Variants in ZNF536 observed in about 807,000 individuals in gnomAD.
ZNF536 encodes the protein zinc finger protein 536.
ZNF536 carries 13 observed loss-of-function variants against 84.5 expected under a neutral mutation model. The observed-to-expected ratio is 0.15, with a 90% CI of 0.10 to 0.24. ZNF536 has a LOEUF of 0.24. Among genes scored for constraint, ZNF536 ranks in the 10% least tolerant of loss-of-function variants. The pLI is 1.00. For synonymous variants in ZNF536, 811 were observed against 742.5 expected, an observed-to-expected ratio of 1.09 and a Z score of -1.50; for missense variants, 1,536 against 1,747.5, an observed-to-expected ratio of 0.88 and a Z score of 2.16.
chr19:30,294,171 G>T (rs2045926904), intron 2 of ZNF536, among the ~76,000 whole-genome samples: 1 of 152,128 alleles, frequency 6.6e-6, no homozygotes, highest in Non-Finnish European at 1.5e-5. Flanking sequence ...GGTGGGGTGT[G>T]GCCCCCAACA....
At chr19:30,677,035 G>C (rs1341380400) in intron 1 of ZNF536, among the ~76,000 whole-genome samples, 2 of 152,220 alleles carry the variant, frequency 1.3e-5, no homozygotes, top group Non-Finnish European at 2.9e-5. Context: ...TATTTTGCTT[G>C]TGAAAGAAAT....
At position 30,326,791 on chromosome 19, in the gene ZNF536, C is replaced by CTT. The variant is rs869076590; in HGVS notation, c.-119-25551_-119-25550dup. 3.1e-3 allele frequency among the ~76,000 whole-genome samples: 160 copies of CTT among 51,902 alleles called. 11 individuals carry two copies. The highest frequency in any genetic ancestry group is 0.01 in the African/African-American group (134 of 12,810). The allele number at this position is 51,902 out of a possible 152,430, so 34.0% of individuals were successfully genotyped here. On this transcript the variant is annotated intron_variant, in intron 2 of 5. Coordinates refer to the ZNF536 transcript ENST00000585628. ...ACTGGGAGATTTTTTTTATAAAAAGCTTTTTTTTTTTTTTTTTTTTTTTTT... is the reference window on the plus strand; with the variant it reads ...ACTGGGAGATTTTTTTTATAAAAAGCTTTTTTTTTTTTTTTTTTTTTTTTTTT...
chr19:30,341,633 CTT>C (rs1468878194), intron 2 of ZNF536, among the ~76,000 whole-genome samples: 1 of 152,024 alleles, frequency 6.6e-6, no homozygotes, highest in African/African-American at 2.4e-5. Context: ...CCCCTCATCT[CTT>C]TGTGCAGTAG....
intron 1 of ZNF536, among the ~76,000 whole-genome samples, chr19:30,683,975 G>A (rs2051074772): frequency 6.6e-6 from 1 of 152,096 alleles, no homozygotes; most frequent in African/African-American, 2.4e-5. Context: ...GATACATTAA[G>A]ACAAGCTTGT....
At chr19:30,355,351 TA>T (rs565756795) in intron 3 of ZNF536, among the ~76,000 whole-genome samples, 16 of 152,250 alleles carry the variant, frequency 1.1e-4, no homozygotes, top group Non-Finnish European at 1.8e-4. Context: ...GGGATGGTGT[TA>T]AACCACTCAC....
At chr19:30,478,155 GTT>G (rs35858645) in intron 2 of ZNF536, among the ~76,000 whole-genome samples, 13,221 of 134,740 alleles carry the variant, frequency 0.098, 705 homozygotes, top group Admixed American at 0.14. Context: ...AATCCTTGGT[GTT>G]TTTTTTTTTT....
At chr19:30,276,867 T>A (rs1251931016) in intron 1 of ZNF536, among the ~76,000 whole-genome samples, 1 of 149,806 alleles carries the variant, frequency 6.7e-6, no homozygotes, top group African/African-American at 2.5e-5. Context: ...TTTTTTTTTT[T>A]ATGCAAGCAA....
chr19:30,700,387 C>T (rs1361498097), intron 1 of ZNF536, among the ~76,000 whole-genome samples: 2 of 147,258 alleles, frequency 1.4e-5, no homozygotes, highest in Admixed American at 1.4e-4. Context: ...ACTTTCCTTC[C>T]TTCCTTTCTT....
At chr19:30,516,026 C>CA (rs553504551) in intron 2 of ZNF536, among the ~76,000 whole-genome samples, 17,339 of 75,136 alleles carry the variant, frequency 0.23, 1,858 homozygotes, top group East Asian at 0.39. Flanking sequence ...GACTCCATCT[C>CA]AAAAAAAAAA....
intron 4 of ZNF536, among the ~76,000 whole-genome samples, chr19:30,550,643 AG>A (rs907614614): frequency 2.3e-4 from 35 of 151,806 alleles, no homozygotes; most frequent in African/African-American, 7.7e-4. Context: ...AAGGGAAGGA[AG>A]GGGGGGAAAT....
chr19:30,458,135 C>T (rs1165570288), intron 2 of ZNF536, among the ~76,000 whole-genome samples: 3 of 152,158 alleles, frequency 2.0e-5, no homozygotes, highest in East Asian at 1.9e-4. Context: ...ACTTTGGAGC[C>T]GGGCCCCACA....
intron 2 of ZNF536, among the ~76,000 whole-genome samples, chr19:30,332,276 T>A (rs1192998292): frequency 1.3e-5 from 2 of 152,210 alleles, no homozygotes; most frequent in African/African-American, 4.8e-5. Flanking sequence ...TCTGCCACTT[T>A]TCTGGCCCTT....
exon 2 of ZNF536, chr19:30,711,600 G>C (rs759743746): frequency 1.3e-5 from 2 of 152,288 alleles, no homozygotes; most frequent in African/African-American, 2.4e-5. Context: ...GGGGCTGACC[G>C]GCACTGCAGA....
chr19:30,242,066 G>A (rs1050635278), intron 1 of ZNF536, among the ~76,000 whole-genome samples: 1 of 152,110 alleles, frequency 6.6e-6, no homozygotes, highest in African/African-American at 2.4e-5. Context: ...GCCTGTTGAG[G>A]GGTAATTCCT....
intron 4 of ZNF536, chr19:30,555,858 ACC>A (rs1334555164): frequency 6.6e-6 from 1 of 152,252 alleles, no homozygotes; most frequent in Admixed American, 6.5e-5. Context: ...TAGGAAGACA[ACC>A]ACAAAATCCC....
At chr19:30,704,130 G>A (rs762112963) in intron 1 of ZNF536, among the ~76,000 whole-genome samples, 53 of 152,284 alleles carry the variant, frequency 3.5e-4, no homozygotes, top group African/African-American at 4.8e-4. Context: ...AGAGGCTATC[G>A]CCTTGATGCT....
chr19:30,394,323 A>G (rs2049723330), intron 1 of ZNF536, among the ~76,000 whole-genome samples: 1 of 152,194 alleles, frequency 6.6e-6, no homozygotes, highest in Non-Finnish European at 1.5e-5. Flanking sequence ...CACATTGGGT[A>G]ATTGTGTGTG....
intron 2 of ZNF536, among the ~76,000 whole-genome samples, chr19:30,507,260 G>A (rs1376829193): frequency 1.3e-5 from 2 of 152,088 alleles, no homozygotes; most frequent in Non-Finnish European, 2.9e-5. Context: ...TACTTGGGAG[G>A]CTGAGGCCTG....
chr19:30,574,756 A>T (rs1004011373), intron 1 of ZNF536, among the ~76,000 whole-genome samples: 3 of 152,272 alleles, frequency 2.0e-5, no homozygotes, highest in Admixed American at 1.3e-4. Context: ...GATCAAGTGT[A>T]TAGATCTATC....
Sources: gnomAD v4.1 joint callset for allele counts (sites outside exome capture counted in the v4.1 genomes callset) on GRCh38, gnomAD v4.1.1 for gene constraint, MANE v1.5 for transcripts, NCBI Gene and HGNC (gene_info 2026-07-23, HGNC 2026-07-21) for gene names.